SYNE1: variants seen among roughly 807,000 people sequenced by gnomAD.
SYNE1 encodes the protein spectrin repeat containing nuclear envelope protein 1, also known as nesprin-1.
Under a neutral mutation model 1,111.0 loss-of-function variants are expected in SYNE1, and 616 were observed. The observed-to-expected ratio is 0.55, with a 90% confidence interval of 0.52 to 0.59. The LOEUF is 0.59. Among genes scored for constraint, SYNE1 ranks in the 20% least tolerant of loss-of-function variants. The pLI is 0.00. For missense variants in SYNE1, 10,006 were observed against 10,417.0 expected (o/e 0.96, Z 1.72); for synonymous variants, 3,855 against 3,825.8 (o/e 1.01, Z -0.28).
intron 130 of SYNE1, among the ~76,000 whole-genome samples, chr6:152,174,211 G>A (rs1283560823): frequency 6.6e-6 from 1 of 152,080 alleles, no homozygotes; most frequent in Admixed American, 6.6e-5. Flanking sequence ...AACTCCCCGG[G>A]GGATGTTTAC....
At chr6:152,458,358 T>C (rs1054364779) in intron 22 of SYNE1, among the ~76,000 whole-genome samples, 4 of 152,204 alleles carry the variant, frequency 2.6e-5, no homozygotes, top group African/African-American at 9.6e-5. Flanking sequence ...TCAGGATGCA[T>C]GGCTTACGCG....
In SYNE1 at chr6:152,439,914, C is replaced by T. The variant is rs566702656; in HGVS notation, c.4149+1216G>A. ...TGTAGGGTTGGGTTCACCAAGTACACCTACTAAATACGGTCTGTTTGATGC... is the reference window on the plus strand; with the variant it reads ...TGTAGGGTTGGGTTCACCAAGTACATCTACTAAATACGGTCTGTTTGATGC... On this transcript the variant is annotated intron_variant, in intron 32 of 145. Coordinates refer to ENST00000367255, the MANE Select transcript of SYNE1 (RefSeq NM_182961.4). Among the ~76,000 whole-genome samples, 86 of 152,246 alleles carry T rather than the reference C, an allele frequency of 5.6e-4. 2 individuals are homozygous for T. The highest frequency in any genetic ancestry group is 2.0e-3 in the African/African-American group (83 of 41,542).
At chr6:152,454,255 C>T (rs918097452) in intron 24 of SYNE1, among the ~76,000 whole-genome samples, 1 of 148,472 alleles carries the variant, frequency 6.7e-6, no homozygotes, top group African/African-American at 2.6e-5. Context: ...GGCACACATG[C>T]TAGCACCAAA....
chr6:152,465,770 C>CACACACACACAG (rs1158112707), intron 17 of SYNE1, among the ~76,000 whole-genome samples: 2 of 149,922 alleles, frequency 1.3e-5, no homozygotes, highest in African/African-American at 5.0e-5. Flanking sequence ...AACACATACA[C>CACACACACACAG]ACACACACAC....
intron 38 of SYNE1, 52 bp from the exon 39 acceptor site, chr6:152,425,599 G>C (rs1232083910): frequency 6.2e-7 from 1 of 1,606,326 alleles, no homozygotes; most frequent in Admixed American, 1.7e-5. Flanking sequence ...TGAAAAGTAA[G>C]GACCATGCGG....
Position 152,447,690 on chromosome 6 carries a change from G to C in SYNE1, c.3505-68C>G. On this transcript the variant is annotated intron_variant, in intron 28 of 145. Coordinates refer to ENST00000367255, the MANE Select transcript of SYNE1 (RefSeq NM_182961.4). ...AAATCATAACTTTCCAGCAATAAAG[G>C]ACTCAGCCTAAAAAGGTTTGCAGGT... 1.9e-6 allele frequency: 3 copies of C among 1,596,936 alleles called. No individual in the cohort carries two copies. In the South Asian group the frequency reaches 3.3e-5, roughly 18 times the overall value.
chr6:152,536,318 A>T (rs1236192661), intron 4 of SYNE1, among the ~76,000 whole-genome samples: 2 of 141,930 alleles, frequency 1.4e-5, no homozygotes, highest in African/African-American at 2.6e-5. Flanking sequence ...GTTCTGCGCC[A>T]ATATATATAG....
At chr6:152,311,331 A>G (rs1357609981) in intron 87 of SYNE1, among the ~76,000 whole-genome samples, 1 of 152,250 alleles carries the variant, frequency 6.6e-6, no homozygotes, top group Non-Finnish European at 1.5e-5. Flanking sequence ...TAAGAACAAG[A>G]GCATTACAAG....
At chr6:152,490,136 T>C (rs1253394705) in intron 11 of SYNE1, among the ~76,000 whole-genome samples, 1 of 152,118 alleles carries the variant, frequency 6.6e-6, no homozygotes, top group Admixed American at 6.6e-5. Flanking sequence ...TACAACACAG[T>C]ATAACAGCTA....
intron 101 of SYNE1, among the ~76,000 whole-genome samples, chr6:152,257,671 AC>A (rs2091149637): frequency 6.6e-6 from 1 of 152,252 alleles, no homozygotes; most frequent in Admixed American, 6.5e-5. Flanking sequence ...AAATGGAATC[AC>A]TGGCATAGAG....
intron 98 of SYNE1, among the ~76,000 whole-genome samples, chr6:152,273,003 A>G (rs2093323425): frequency 6.6e-6 from 1 of 152,206 alleles, no homozygotes; most frequent in Admixed American, 6.5e-5. Context: ...AGGAAGCTCT[A>G]ATTATTTTAA....
At chr6:152,233,994 T>A (rs1221008489) in intron 111 of SYNE1, 31 bp from the exon 112 acceptor site, 59 of 1,609,240 alleles carry the variant, frequency 3.7e-5, no homozygotes, top group Non-Finnish European at 4.3e-5. Flanking sequence ...CAAATTAGGG[T>A]TAAATAGCTA....
At chr6:152,240,063 C>A (rs71575923) in intron 107 of SYNE1, among the ~76,000 whole-genome samples, 1,686 of 152,240 alleles carry the variant, frequency 0.011, 16 homozygotes, top group Non-Finnish European at 0.018. Flanking sequence ...CAACCCAGCG[C>A]TGGAGCTGAG....
chr6:152,584,378 A>G (rs982045668), intron 3 of SYNE1, among the ~76,000 whole-genome samples: 1 of 152,194 alleles, frequency 6.6e-6, no homozygotes, highest in Non-Finnish European at 1.5e-5. Flanking sequence ...AACCCAAAAT[A>G]CATATTTAAT....
chr6:152,162,679 T>C (rs1284820558), intron 131 of SYNE1, among the ~76,000 whole-genome samples: 1 of 152,052 alleles, frequency 6.6e-6, no homozygotes, highest in East Asian at 1.9e-4. Flanking sequence ...TTGCTAACAG[T>C]TTTTTTAAAG....
intron 123 of SYNE1, 74 bp downstream of exon 123, chr6:152,213,538 C>T: frequency 1.3e-6 from 2 of 1,525,704 alleles, no homozygotes; most frequent in Non-Finnish European, 1.8e-6. Flanking sequence ...TTAATTCTCC[C>T]ACACAGCATT....
chr6:152,225,167 G>C (rs1314331197), intron 116 of SYNE1, among the ~76,000 whole-genome samples: 1 of 151,730 alleles, frequency 6.6e-6, no homozygotes, highest in African/African-American at 2.4e-5. Context: ...AATTACCCAA[G>C]ATTATACTGC....
intron 11 of SYNE1, among the ~76,000 whole-genome samples, chr6:152,493,997 T>C (rs1357992347): frequency 6.6e-6 from 1 of 152,156 alleles, no homozygotes; most frequent in African/African-American, 2.4e-5. Flanking sequence ...CCCTTTTCAT[T>C]ACACGCAGCC....
intron 95 of SYNE1, 137 bp from the exon 96 acceptor site, chr6:152,284,309 C>T: frequency 3.4e-6 from 3 of 884,528 alleles, no homozygotes; most frequent in East Asian, 2.6e-5. Context: ...CAACAAATAG[C>T]AGCCTACTCA....
Sources: allele counts gnomAD v4.1 joint callset (sites outside exome capture counted in the v4.1 genomes callset), GRCh38; gene constraint gnomAD v4.1.1; transcripts MANE v1.5; gene names NCBI Gene and HGNC (gene_info 2026-07-23, HGNC 2026-07-21).